Variants in SYN3 observed in about 807,000 individuals in gnomAD.
The protein encoded by SYN3 is synapsin III.
In SYN3, 35 loss-of-function variants were observed where a neutral mutation model predicts 65.8. The observed-to-expected ratio is 0.53, with a 90% CI of 0.41 to 0.70. The LOEUF (loss-of-function observed/expected upper bound fraction) is 0.70. SYN3 is among the 30% of genes least tolerant of loss of function. The probability of loss-of-function intolerance (pLI) is 0.00; values close to 1 mark genes in which losing one functional copy is unlikely to be tolerated. For synonymous variants in SYN3, 270 were observed against 292.9 expected, an observed-to-expected ratio of 0.92 and a Z score of 0.80; for missense variants, 680 against 749.0, an observed-to-expected ratio of 0.91 and a Z score of 1.08.
intron 6 of SYN3, among the ~76,000 whole-genome samples, chr22:32,815,714 C>T (rs2047072225): frequency 6.6e-6 from 1 of 152,174 alleles, no homozygotes; most frequent in Non-Finnish European, 1.5e-5. Context: ...CCTCATTCCA[C>T]TTTGCAGATG....
At chr22:32,568,892 GGGGCCTCCTGAAGCTAA>G (rs2058707812) in intron 7 of SYN3, among the ~76,000 whole-genome samples, 2 of 152,204 alleles carry the variant, frequency 1.3e-5, no homozygotes, top group Admixed American at 1.3e-4. Context: ...TGAATACTGA[GGGGCCTCCTGAAGCTAA>G]TCAATCAGGC....
chr22:32,611,089 C>T (rs143973673), intron 6 of SYN3, among the ~76,000 whole-genome samples: 1 of 152,308 alleles, frequency 6.6e-6, no homozygotes, highest in Non-Finnish European at 1.5e-5. Flanking sequence ...TGGCAACGCC[C>T]TGGATCAGAA....
intron 2 of SYN3, among the ~76,000 whole-genome samples, chr22:33,005,829 A>G (rs1212098585): frequency 6.6e-6 from 1 of 152,198 alleles, no homozygotes; most frequent in Non-Finnish European, 1.5e-5. Flanking sequence ...AGGGTGGCTG[A>G]GGCTGACAGG....
intron 6 of SYN3, among the ~76,000 whole-genome samples, chr22:32,606,001 G>A (rs1224036763): frequency 1.3e-5 from 2 of 152,172 alleles, no homozygotes; most frequent in African/African-American, 2.4e-5. Context: ...AATAGATTTT[G>A]GTCACTGAGG....
chr22:33,036,195 A>T (rs1449785687), intron 1 of SYN3, among the ~76,000 whole-genome samples: 6 of 152,156 alleles, frequency 3.9e-5, no homozygotes, highest in Non-Finnish European at 8.8e-5. Flanking sequence ...TCCTCGGAAA[A>T]GCAGCCTCAG....
intron 1 of SYN3, among the ~76,000 whole-genome samples, chr22:33,055,110 C>G (rs1336989887): frequency 6.6e-6 from 1 of 152,198 alleles, no homozygotes; most frequent in African/African-American, 2.4e-5. Context: ...AAAACATAAA[C>G]CAGATCATCC....
chr22:32,982,115 A>G (rs2052390265), intron 2 of SYN3, among the ~76,000 whole-genome samples: 1 of 152,222 alleles, frequency 6.6e-6, no homozygotes, highest in African/African-American at 2.4e-5. Context: ...CTCAACAAAA[A>G]TCAATGTTTT....
intron 4 of SYN3, among the ~76,000 whole-genome samples, chr22:32,918,073 T>C (rs2050234685): frequency 6.6e-6 from 1 of 152,254 alleles, no homozygotes; most frequent in African/African-American, 2.4e-5. Context: ...TCAGGAAGTC[T>C]GTGCCTGGTG....
intron 2 of SYN3, among the ~76,000 whole-genome samples, chr22:32,995,628 T>C (rs113892328): frequency 5.9e-5 from 9 of 151,584 alleles, no homozygotes; most frequent in African/African-American, 2.2e-4. Flanking sequence ...CAAGATGCCC[T>C]GCAGTCCTCA....
intron 1 of SYN3, among the ~76,000 whole-genome samples, chr22:33,043,967 C>T (rs1298137716): frequency 2.6e-5 from 4 of 151,942 alleles, no homozygotes; most frequent in Admixed American, 6.6e-5. Flanking sequence ...GCAGGAGAAT[C>T]GCTTCAACCT....
chr22:32,637,479 T>G (rs2059831923), intron 6 of SYN3, among the ~76,000 whole-genome samples: 1 of 152,176 alleles, frequency 6.6e-6, no homozygotes, highest in Admixed American at 6.5e-5. Context: ...TTTGCTTTTC[T>G]TTTTCAACTT....
intron 4 of SYN3, among the ~76,000 whole-genome samples, chr22:32,898,915 A>T (rs1276472603): frequency 6.6e-6 from 1 of 152,232 alleles, no homozygotes; most frequent in Non-Finnish European, 1.5e-5. Flanking sequence ...ATCCTAGCCA[A>T]CATGGTGAAA....
chr22:32,794,052 T>C (rs1004061775), intron 6 of SYN3, among the ~76,000 whole-genome samples: 2 of 152,254 alleles, frequency 1.3e-5, no homozygotes, highest in South Asian at 2.1e-4. Context: ...GAGCCTGCAG[T>C]TGGCATTTGT....
chr22:32,866,031 G>A (rs530062501), intron 5 of SYN3, among the ~76,000 whole-genome samples: 62 of 152,322 alleles, frequency 4.1e-4, no homozygotes, highest in African/African-American at 1.5e-3. Context: ...CGAGGTGGAA[G>A]CATGATCCAT....
At chr22:32,574,409 T>C (rs555765808) in intron 7 of SYN3, among the ~76,000 whole-genome samples, 2 of 152,084 alleles carry the variant, frequency 1.3e-5, no homozygotes, top group Admixed American at 1.3e-4. Flanking sequence ...AGCCTAGGAG[T>C]TTGAGGCTAC....
intron 6 of SYN3, among the ~76,000 whole-genome samples, chr22:32,654,967 C>T (rs1350496918): frequency 6.6e-6 from 1 of 152,200 alleles, no homozygotes; most frequent in African/African-American, 2.4e-5. Context: ...TGCATTTTCC[C>T]CTAAGCTACA....
intron 1 of SYN3, among the ~76,000 whole-genome samples, chr22:33,053,987 T>A (rs937810789): frequency 1.8e-4 from 27 of 152,174 alleles, no homozygotes; most frequent in Non-Finnish European, 2.5e-4. Flanking sequence ...GGATTGGAAG[T>A]CTGGAGACTC....
At chr22:32,864,777 A>T (rs2048643487) in intron 6 of SYN3, 138 bp downstream of exon 6, 2 of 756,958 alleles carry the variant, frequency 2.6e-6, no homozygotes, top group Admixed American at 4.3e-5. Context: ...CCCACAGGAC[A>T]CTGTGACTCC....
chr22:32,997,797 C>T (rs1296763904), intron 2 of SYN3, among the ~76,000 whole-genome samples: 11 of 151,934 alleles, frequency 7.2e-5, no homozygotes, highest in South Asian at 4.2e-4. Flanking sequence ...GAGGCCGAGG[C>T]GGGCAGATCA....
Sources: allele counts gnomAD v4.1 joint callset (sites outside exome capture counted in the v4.1 genomes callset), GRCh38; gene constraint gnomAD v4.1.1; transcripts MANE v1.5; gene names NCBI Gene and HGNC (gene_info 2026-07-23, HGNC 2026-07-21).